The following STAU1 variants were observed in gnomAD, a reference collection of about 807,000 sequenced individuals.
STAU1 encodes the protein staufen double-stranded RNA binding protein 1.
Under a neutral mutation model 62.9 loss-of-function variants are expected in STAU1, and 13 were observed. That is an observed-to-expected ratio of 0.21 (90% CI 0.13 to 0.33). STAU1 has a LOEUF of 0.33. Ranked by LOEUF, STAU1 falls within the 10% of genes least tolerant of loss-of-function variation. STAU1 has a pLI of 1.00. For synonymous variants in STAU1, 269 were observed against 265.1 expected (o/e 1.01, Z -0.14); for missense variants, 571 against 712.1 (o/e 0.80, Z 2.25).
chr20:49,164,174 G>T (rs556416548), intron 3 of STAU1, among the ~76,000 whole-genome samples: 3 of 151,918 alleles, frequency 2.0e-5, no homozygotes, highest in Non-Finnish European at 4.4e-5. Context: ...AGGTTGCAGT[G>T]AGCCAAGATC....
the STAU1 span, among the ~76,000 whole-genome samples, chr20:49,195,911 A>AAG: frequency 1.1e-5 from 1 of 90,552 alleles, no homozygotes; most frequent in Non-Finnish European, 2.6e-5. Flanking sequence ...AAAAAAAAAA[A>AAG]AAAAAAGAAA....
At chr20:49,199,656 T>C in the STAU1 span, among the ~76,000 whole-genome samples, 1 of 151,610 alleles carries the variant, frequency 6.6e-6, no homozygotes, top group African/African-American at 2.4e-5. Context: ...CACTGCAACC[T>C]CTGCCTCCCA....
intron 3 of STAU1, among the ~76,000 whole-genome samples, chr20:49,163,707 G>A (rs917736774): frequency 2.0e-5 from 3 of 152,186 alleles, no homozygotes; most frequent in African/African-American, 4.8e-5. Flanking sequence ...TTATGGGCAT[G>A]AGCCACTGCA....
chr20:49,126,576 A>AAAAAAAAAAAAAC (rs1329843357), intron 6 of STAU1, among the ~76,000 whole-genome samples: 143 of 104,340 alleles, frequency 1.4e-3, no homozygotes, highest in Non-Finnish European at 1.8e-3. Context: ...TCAAAAAGCA[A>AAAAAAAAAAAAAC]AAAAAAAAAA....
chr20:49,194,896 C>T, the STAU1 span, among the ~76,000 whole-genome samples: 1 of 151,718 alleles, frequency 6.6e-6, no homozygotes, highest in African/African-American at 2.4e-5. Context: ...GCTATGATCT[C>T]ACCACTGCAC....
chr20:49,162,997 T>C (rs748092482), intron 3 of STAU1, among the ~76,000 whole-genome samples: 5 of 151,612 alleles, frequency 3.3e-5, no homozygotes, highest in Non-Finnish European at 7.4e-5. Flanking sequence ...ATTGAAACCA[T>C]CCTGGCCAAC....
At chr20:49,121,054 AGGC>A (rs2092453938) in intron 8 of STAU1, among the ~76,000 whole-genome samples, 2 of 151,978 alleles carry the variant, frequency 1.3e-5, no homozygotes, top group African/African-American at 4.8e-5. Flanking sequence ...CTGGGATTAC[AGGC>A]GTAAGCCATC....
chr20:49,182,100 G>A (rs1282598193), intron 1 of STAU1, among the ~76,000 whole-genome samples: 1 of 152,108 alleles, frequency 6.6e-6, no homozygotes, highest in African/African-American at 2.4e-5. Context: ...TTCCACTTTT[G>A]CTTCCAGTAA....
rs1272223216 is a variant in STAU1, at chr20:49,188,326, A to C, written c.-370T>G. 2.0e-5 allele frequency: 3 copies of C among 151,686 alleles called. No homozygotes were observed. 9.4% of individuals were successfully genotyped at this position (151,686 alleles called of 1,614,324 possible). ...AGAGACGCGGCAGCCGCCGGCGCAA[A>C]CGCTGAAGAGCCGCTCAGGCGCCCG... On this transcript the variant is annotated 5_prime_UTR_variant, in exon 1 of 14. Coordinates refer to ENST00000371856, the MANE Select transcript of STAU1 (RefSeq NM_017453.4).
At chr20:49,197,989 C>A in the STAU1 span, among the ~76,000 whole-genome samples, 1 of 152,100 alleles carries the variant, frequency 6.6e-6, no homozygotes. Flanking sequence ...GGATTATAGG[C>A]GTGAGCCACA....
intron 1 of STAU1, among the ~76,000 whole-genome samples, chr20:49,185,031 A>C (rs1018394485): frequency 6.6e-6 from 1 of 152,236 alleles, no homozygotes; most frequent in African/African-American, 2.4e-5. Context: ...GTGAACACTT[A>C]TGCTGTGATT....
chr20:49,148,729 G>A (rs2093178970), intron 5 of STAU1, among the ~76,000 whole-genome samples: 1 of 152,200 alleles, frequency 6.6e-6, no homozygotes, highest in Admixed American at 6.5e-5. Flanking sequence ...CAGCCCAGAA[G>A]AACATGTCTA....
intron 3 of STAU1, chr20:49,158,334 G>A: frequency 1.3e-6 from 1 of 789,904 alleles, no homozygotes; most frequent in South Asian, 1.5e-5. Context: ...TGTAATCACT[G>A]AATATCACTT....
chr20:49,156,148 CA>C (rs1321953189), intron 3 of STAU1, among the ~76,000 whole-genome samples: 4 of 152,068 alleles, frequency 2.6e-5, no homozygotes, highest in Non-Finnish European at 5.9e-5. Flanking sequence ...CACTTCTGAC[CA>C]ACAAAATTAC....
chr20:49,135,716 T>A, intron 6 of STAU1, 117 bp downstream of exon 6: 1 of 765,162 alleles, frequency 1.3e-6, no homozygotes, highest in Non-Finnish European at 2.1e-6. Flanking sequence ...AATCTTAAAT[T>A]TGGAGGTTCA....
At position 49,133,901 on chromosome 20, in the gene STAU1, C is replaced by T. The variant is rs964313188; in HGVS notation, c.609+1932G>A. Among the ~76,000 whole-genome samples, 16 of 152,208 alleles carry T rather than the reference C, an allele frequency of 1.1e-4. No homozygotes were observed. The East Asian group carries it at 3.1e-3, about 29-fold the overall frequency. ...TCAGCAGGGTGAGGTGAGAAATCAT[C>T]ATCACTCGGCCAAAGGATGGAGCAC... On this transcript the variant is annotated intron_variant, in intron 6 of 13. Coordinates refer to ENST00000371856, the MANE Select transcript of STAU1 (RefSeq NM_017453.4).
At chr20:49,182,962 ATT>A (rs2093744985) in intron 1 of STAU1, among the ~76,000 whole-genome samples, 1 of 152,178 alleles carries the variant, frequency 6.6e-6, no homozygotes, top group South Asian at 2.1e-4. Context: ...TATGTTTGAA[ATT>A]TTTCATAATA....
chr20:49,136,992 C>T (rs902359704), intron 5 of STAU1, among the ~76,000 whole-genome samples: 5 of 152,096 alleles, frequency 3.3e-5, no homozygotes, highest in African/African-American at 1.2e-4. Context: ...CCACGCCCGG[C>T]GGGAAACCAC....
In STAU1 at chr20:49,117,417, T is replaced by C. The variant is rs1568813365; in HGVS notation, c.1510-169A>G. On this transcript the variant is annotated intron_variant, in intron 11 of 13. Coordinates refer to ENST00000371856, the MANE Select transcript of STAU1 (RefSeq NM_017453.4). The surrounding 1 kb of genome is among the most constrained non-coding windows in gnomAD (Gnocchi z 4.6). ...GTCAGCCCAGAACCTTCCAGGAACC[T>C]AGGTGTCTGCTCAGAAGCCCAAGAC... Among the ~76,000 whole-genome samples the C allele has an allele frequency of 1.3e-5, 2 of 152,106 alleles. No individual in the cohort carries two copies. The highest frequency in any genetic ancestry group is 6.6e-5 in the Admixed American group (1 of 15,262).
Sources: allele counts gnomAD v4.1 joint callset (sites outside exome capture counted in the v4.1 genomes callset), GRCh38; gene constraint gnomAD v4.1.1; non-coding constraint Gnocchi (gnomAD v3.1); transcripts MANE v1.5; gene names NCBI Gene and HGNC (gene_info 2026-07-23, HGNC 2026-07-21).